TREML4: variants seen among roughly 807,000 people sequenced by gnomAD.
TREML4 encodes the protein triggering receptor expressed on myeloid cells like 4.
A neutral mutation model predicts 25.4 loss-of-function variants in TREML4; 25 were observed. That is an observed-to-expected ratio of 0.98 (90% CI 0.72 to 1.37). The LOEUF (loss-of-function observed/expected upper bound fraction) is 1.37, where lower values mean the gene tolerates loss of function less well. Among genes scored for constraint, TREML4 ranks in the 40% most tolerant of loss-of-function variants. The probability of loss-of-function intolerance (pLI) is 0.00; values close to 1 mark genes in which losing one functional copy is unlikely to be tolerated. For missense variants in TREML4, 268 were observed against 236.5 expected (o/e 1.13, Z -0.87); for synonymous variants, 92 against 87.9 (o/e 1.05, Z -0.26).
At chr6:41,234,220 A>T (rs1766856913) in intron 4 of TREML4, among the ~76,000 whole-genome samples, 1 of 152,076 alleles carries the variant, frequency 6.6e-6, no homozygotes, top group Non-Finnish European at 1.5e-5. Context: ...TTACTAATAC[A>T]TTCATATATG....
At chr6:41,230,040 G>A (rs1343443043) in intron 3 of TREML4, 22 bp from the exon 4 acceptor site, 1 of 1,599,238 alleles carries the variant, frequency 6.3e-7, no homozygotes, top group African/African-American at 1.3e-5. Flanking sequence ...GGCAGCCACT[G>A]TCTTCTTTGT....
rs1356246785 is a variant in TREML4 at position 41,237,496 on chromosome 6, A to C, written c.*477A>C. On this transcript the variant is annotated 3_prime_UTR_variant, in exon 6 of 6. Coordinates refer to ENST00000341495, the MANE Select transcript of TREML4 (RefSeq NM_198153.3). ...GTTTGTTGCCTGTGGTCTGCCCTAG[A>C]GTCCTATGAATTTCCTCTTGTGCTT... 3 of 152,276 alleles carry C rather than the reference A, an allele frequency of 2.0e-5. No individual in the cohort carries two copies. The highest frequency in any genetic ancestry group is 7.2e-5 in the African/African-American group (3 of 41,442). 9.4% of individuals were successfully genotyped at this position (152,276 alleles called of 1,614,324 possible). A position where few individuals can be genotyped will look rare whatever the true frequency, so the allele number is the denominator to read the frequency against.
intron 4 of TREML4, chr6:41,232,522 G>A (rs1202371035): frequency 1.1e-5 from 2 of 185,436 alleles, no homozygotes; most frequent in Non-Finnish European, 2.3e-5. Flanking sequence ...ATGGTTTCAG[G>A]ATGACTCAAG....
chr6:41,228,610 G>A (rs1766723463), intron 1 of TREML4, 104 bp from the exon 2 acceptor site: 1 of 1,484,594 alleles, frequency 6.7e-7, no homozygotes. Context: ...CCATGTGTGG[G>A]CATCAGAACT....
At position 41,236,579 on chromosome 6, in the gene TREML4, G is replaced by A. The variant is rs371172082; in HGVS notation, c.600G>A (p.Leu200=). The change falls in exon 5 of 6, where the codon TTG becomes TTA. Residue 200 remains leucine, a synonymous_variant. Transcript: ENST00000341495. ...CGLLLAKGLM[L] ...TCCTCCTGGCCAAGGGCCTGATGTT[G>A]TGAGTCCTGTTAGTGCTCCTGATCT... 2 of 1,613,456 alleles carry A rather than the reference G, an allele frequency of 1.2e-6. No homozygotes were observed. The highest frequency in any genetic ancestry group is 1.7e-6 in the Non-Finnish European group (2 of 1,179,568).
intron 1 of TREML4, 85 bp downstream of exon 1, chr6:41,228,575 T>A: frequency 6.6e-7 from 1 of 1,519,128 alleles, no homozygotes; most frequent in African/African-American, 1.4e-5. Context: ...TGTGTGACCA[T>A]AGGACAGAAT....
At chr6:41,231,456 C>T (rs564550729) in intron 4 of TREML4, among the ~76,000 whole-genome samples, 1 of 152,164 alleles carries the variant, frequency 6.6e-6, no homozygotes, top group African/African-American at 2.4e-5. Context: ...GAAGCACTAC[C>T]TTAAAAGAAT....
chr6:41,229,814 C>T (rs963068913), intron 3 of TREML4, among the ~76,000 whole-genome samples: 2 of 152,172 alleles, frequency 1.3e-5, no homozygotes, highest in Admixed American at 6.5e-5. Context: ...GAGGGAAGTC[C>T]ATATGGAACA....
intron 4 of TREML4, among the ~76,000 whole-genome samples, chr6:41,231,391 C>A (rs371089045): frequency 1.3e-5 from 2 of 151,870 alleles, no homozygotes; most frequent in South Asian, 2.1e-4. Context: ...AGATCCGTAT[C>A]TAATATGCCC....
At chr6:41,229,480 G>T in intron 2 of TREML4, 41 bp from the exon 3 acceptor site, 10 of 1,610,344 alleles carry the variant, frequency 6.2e-6, no homozygotes, top group Non-Finnish European at 8.5e-6. Context: ...ACTCTCTTCT[G>T]GGCCCCTGGA....
At chr6:41,229,633 G>C in intron 3 of TREML4, 62 bp downstream of exon 3, 1 of 1,575,592 alleles carries the variant, frequency 6.3e-7, no homozygotes. Flanking sequence ...GGGAGCCTCA[G>C]ATTCAGGGAA....
intron 4 of TREML4, 85 bp from the exon 5 acceptor site, chr6:41,236,401 A>G: frequency 8.5e-7 from 1 of 1,181,682 alleles, no homozygotes; most frequent in South Asian, 1.3e-5. Context: ...CTCCAGCTAC[A>G]AGGGGCCTGC....
At chr6:41,234,217 T>C (rs538854728) in intron 4 of TREML4, among the ~76,000 whole-genome samples, 128 of 152,162 alleles carry the variant, frequency 8.4e-4, no homozygotes, top group African/African-American at 3.0e-3. Flanking sequence ...TATTTACTAA[T>C]ACATTCATAT....
rs746743665 is a variant in TREML4, at chr6:41,236,577, T to C, written c.598T>C (p.Leu200=). ...ACTCCTCCTGGCCAAGGGCCTGATG[T>C]TGTGAGTCCTGTTAGTGCTCCTGAT... is the stretch of plus-strand genomic sequence containing the variant. ...CGLLLAKGLM[L] The change falls in exon 5 of 6, where the codon TTG becomes CTG. Residue 200 remains leucine, a synonymous_variant. Transcript: ENST00000341495. The C allele has an allele frequency of 6.8e-6, 11 of 1,613,368 alleles. No individual in the cohort carries two copies. Among genetic ancestry groups the C allele is most frequent in the Non-Finnish European group, 8.5e-6 (10 of 1,179,484 alleles).
At chr6:41,232,026 G>A (rs1210394462) in intron 4 of TREML4, among the ~76,000 whole-genome samples, 2 of 152,212 alleles carry the variant, frequency 1.3e-5, no homozygotes, top group Non-Finnish European at 2.9e-5. Context: ...ATGTCTGCAC[G>A]CTTTCAGATC....
At chr6:41,233,182 G>A (rs184016795) in intron 4 of TREML4, among the ~76,000 whole-genome samples, 127 of 152,130 alleles carry the variant, frequency 8.3e-4, no homozygotes, top group Non-Finnish European at 1.3e-3. Flanking sequence ...AAGGAAAGTC[G>A]GAATCGAATT....
intron 3 of TREML4, 30 bp from the exon 4 acceptor site, chr6:41,230,032 C>T: frequency 2.5e-6 from 4 of 1,577,040 alleles, no homozygotes; most frequent in Non-Finnish European, 2.6e-6. Flanking sequence ...GTGCCCTGGG[C>T]AGCCACTGTC....
At chr6:41,228,543 G>T (rs1404516992) in intron 1 of TREML4, 53 bp downstream of exon 1, 4 of 1,577,772 alleles carry the variant, frequency 2.5e-6, no homozygotes, top group Non-Finnish European at 2.6e-6. Flanking sequence ...TGAAGAATGA[G>T]TGGGGCAGGG....
chr6:41,238,174 A>G lies in TREML4; in HGVS notation c.*1155A>G, dbSNP rs1383880357. On this transcript the variant is annotated 3_prime_UTR_variant, in exon 6 of 6. Coordinates refer to ENST00000341495, the MANE Select transcript of TREML4 (RefSeq NM_198153.3). Reference sequence around the variant, plus strand: ...TGTATATCTCAGCTCCTGCCACATGATCATCACCTATCTGTGAGAGGCATC... The same window carrying G: ...TGTATATCTCAGCTCCTGCCACATGGTCATCACCTATCTGTGAGAGGCATC... 6.6e-6 allele frequency: 1 copy of G among 152,182 alleles called. No individual in the cohort carries two copies. The highest frequency in any genetic ancestry group is 1.5e-5 in the Non-Finnish European group (1 of 68,036). The allele number at this position is 152,182 out of a possible 1,614,324, so 9.4% of individuals were successfully genotyped here.
Sources: allele counts gnomAD v4.1 joint callset (sites outside exome capture counted in the v4.1 genomes callset), GRCh38; gene constraint gnomAD v4.1.1; transcripts MANE v1.5; gene names NCBI Gene and HGNC (gene_info 2026-07-23, HGNC 2026-07-21).